Variants in TSNARE1 observed in about 807,000 individuals in gnomAD.
The protein encoded by TSNARE1 is t-SNARE domain containing 1.
TSNARE1 carries 49 observed loss-of-function variants against 62.0 expected under a neutral mutation model. The ratio of observed to expected loss-of-function variants is 0.79; its 90% CI spans 0.63 to 1.00. The LOEUF is 1.00. TSNARE1 is among the 50% of genes least tolerant of loss of function. The probability of loss-of-function intolerance (pLI) is 0.00; values close to 1 mark genes in which losing one functional copy is unlikely to be tolerated. For synonymous variants in TSNARE1, 328 were observed against 294.4 expected, an observed-to-expected ratio of 1.11 and a Z score of -1.17; for missense variants, 755 against 700.1, an observed-to-expected ratio of 1.08 and a Z score of -0.88.
At chr8:142,379,526 G>T (rs561164745) in intron 1 of TSNARE1, among the ~76,000 whole-genome samples, 14 of 152,356 alleles carry the variant, frequency 9.2e-5, no homozygotes, top group African/African-American at 3.1e-4. Flanking sequence ...ATGGGGAACG[G>T]GGCGGGGAGG....
At chr8:142,299,352 C>T (rs552170645) in intron 10 of TSNARE1, among the ~76,000 whole-genome samples, 3 of 152,228 alleles carry the variant, frequency 2.0e-5, no homozygotes, top group Non-Finnish European at 4.4e-5. Flanking sequence ...TGAATTACTG[C>T]CAGGCCTCTG....
intron 12 of TSNARE1, among the ~76,000 whole-genome samples, chr8:142,246,429 T>C (rs1260950789): frequency 1.3e-5 from 2 of 149,846 alleles, no homozygotes; most frequent in African/African-American, 4.9e-5. Context: ...ATCTGAGGAG[T>C]CAGGAGCCAG....
At chr8:142,310,713 A>C (rs1268064063) in intron 9 of TSNARE1, among the ~76,000 whole-genome samples, 3 of 152,154 alleles carry the variant, frequency 2.0e-5, no homozygotes, top group African/African-American at 4.8e-5. Context: ...GTCCCTTTAA[A>C]AATCATGTGA....
chr8:142,238,929 A>C (rs973519821), intron 12 of TSNARE1, among the ~76,000 whole-genome samples: 6 of 152,088 alleles, frequency 3.9e-5, no homozygotes, highest in Non-Finnish European at 4.4e-5. Context: ...CTCACCAGCC[A>C]GGGGAGGTGT....
In TSNARE1 at chr8:142,348,085, A is replaced by G. The variant is rs115271054; in HGVS notation, c.89-2193T>C. Among the ~76,000 whole-genome samples, 365 of 151,266 alleles carry G rather than the reference A, an allele frequency of 2.4e-3. 2 individuals carry two copies. The highest frequency in any genetic ancestry group is 8.4e-3 in the African/African-American group (342 of 40,558). ...TTGAATAGAATAATACCCACAAATTACAGAAAAAATGTAAATGCAGACAGT... is the reference window on the plus strand; with the variant it reads ...TTGAATAGAATAATACCCACAAATTGCAGAAAAAATGTAAATGCAGACAGT... On this transcript the variant is annotated intron_variant, in intron 2 of 13. Coordinates refer to ENST00000524325, the MANE Select transcript of TSNARE1 (RefSeq NM_145003.5).
chr8:142,366,306 C>T (rs571650151), intron 1 of TSNARE1, among the ~76,000 whole-genome samples: 2 of 152,238 alleles, frequency 1.3e-5, no homozygotes, highest in South Asian at 4.1e-4. Context: ...AATCTGATTG[C>T]TTTTATGAAG....
chr8:142,353,593 A>G (rs377493705), intron 2 of TSNARE1, among the ~76,000 whole-genome samples: 111 of 152,308 alleles, frequency 7.3e-4, no homozygotes, highest in African/African-American at 2.5e-3. Flanking sequence ...CGCCCTCTCG[A>G]GCACATGCTG....
chr8:142,262,418 AT>A (rs1818943092), intron 12 of TSNARE1, among the ~76,000 whole-genome samples: 1 of 151,944 alleles, frequency 6.6e-6, no homozygotes, highest in Admixed American at 6.6e-5. Flanking sequence ...TTGTCCTCAT[AT>A]TTTGTTATTT....
intron 10 of TSNARE1, among the ~76,000 whole-genome samples, chr8:142,296,990 G>T (rs113852968): frequency 6.6e-6 from 1 of 152,180 alleles, no homozygotes; most frequent in Non-Finnish European, 1.5e-5. Flanking sequence ...CACACGGCCC[G>T]CTACACTCTG....
At chr8:142,402,713 T>C (rs1175030905) in intron 1 of TSNARE1, 3 of 152,346 alleles carry the variant, frequency 2.0e-5, no homozygotes, top group Admixed American at 2.0e-4. Flanking sequence ...ACCCAGCAAG[T>C]AGGCGCTGGG....
intron 1 of TSNARE1, among the ~76,000 whole-genome samples, chr8:142,402,457 C>T (rs1838363484): frequency 6.6e-6 from 1 of 152,234 alleles, no homozygotes; most frequent in Admixed American, 6.5e-5. Context: ...GCTTCCAGAG[C>T]AGGAGGAGTG....
chr8:142,403,075 A>T (rs1320745114), intron 1 of TSNARE1, 29 bp downstream of exon 1: 2 of 147,658 alleles, frequency 1.4e-5, no homozygotes, highest in Non-Finnish European at 3.0e-5. Context: ...GGCCCCGGCC[A>T]GGCCCCAGCC....
At chr8:142,222,552 T>C (rs1368705166) in intron 13 of TSNARE1, among the ~76,000 whole-genome samples, 2 of 136,506 alleles carry the variant, frequency 1.5e-5, no homozygotes, top group African/African-American at 2.9e-5. Flanking sequence ...ATTCACTCAC[T>C]CACTCACTCA....
chr8:142,332,963 G>T (rs1349780161), intron 4 of TSNARE1, among the ~76,000 whole-genome samples: 1 of 152,232 alleles, frequency 6.6e-6, no homozygotes, highest in Non-Finnish European at 1.5e-5. Flanking sequence ...GCCACACGGG[G>T]CCTGTGTGCA....
At chr8:142,345,097 T>C (rs1453527288) in intron 3 of TSNARE1, among the ~76,000 whole-genome samples, 3 of 152,228 alleles carry the variant, frequency 2.0e-5, no homozygotes, top group African/African-American at 4.8e-5. Context: ...CAGCCCTCCA[T>C]CCTGCAAGGG....
At chr8:142,293,996 A>AGGGACAGGGGCAGGGGCAGCT (rs371842102) in intron 10 of TSNARE1, among the ~76,000 whole-genome samples, 5 of 152,174 alleles carry the variant, frequency 3.3e-5, no homozygotes, top group African/African-American at 1.2e-4. Context: ...CTGGAGGGGC[A>AGGGACAGGGGCAGGGGCAGCT]GGGACAGGGG....
chr8:142,372,423 T>C (rs889487984), intron 1 of TSNARE1, among the ~76,000 whole-genome samples: 1 of 152,162 alleles, frequency 6.6e-6, no homozygotes, highest in East Asian at 1.9e-4. Flanking sequence ...CAACCATGAA[T>C]GTCAGCCTTA....
intron 12 of TSNARE1, chr8:142,273,351 C>G: frequency 1.0e-6 from 1 of 985,416 alleles, no homozygotes; most frequent in Non-Finnish European, 1.2e-6. Context: ...CCTGAGTTTC[C>G]AGCGAGTCCA....
Position 142,389,111 on chromosome 8 carries a change from A to G in TSNARE1, c.-40+13993T>C, listed in dbSNP as rs76990543. On this transcript the variant is annotated intron_variant, in intron 1 of 13. Transcript: ENST00000524325. ...GAAATAAATCCACTCATTCATGGTC[A>G]AATGATTTTAGACAATGGTTCCAAG... Among the ~76,000 whole-genome samples the G allele has an allele frequency of 8.2e-3, 1,256 of 152,356 alleles. 20 individuals are homozygous for G. Among genetic ancestry groups the G allele is most frequent in the African/African-American group, 0.029 (1,187 of 41,582 alleles).
Sources: gnomAD v4.1 joint callset for allele counts (sites outside exome capture counted in the v4.1 genomes callset) on GRCh38, gnomAD v4.1.1 for gene constraint, MANE v1.5 for transcripts, NCBI Gene and HGNC (gene_info 2026-07-23, HGNC 2026-07-21) for gene names.